ENTPD1: variants seen among roughly 807,000 people sequenced by gnomAD.
The protein encoded by ENTPD1 is ectonucleoside triphosphate diphosphohydrolase 1.
ENTPD1 carries 33 observed loss-of-function variants against 57.0 expected under a neutral mutation model. The ratio of observed to expected loss-of-function variants is 0.58; its 90% CI spans 0.44 to 0.77. ENTPD1 has a LOEUF of 0.77. Ranked by LOEUF, ENTPD1 falls within the 30% of genes least tolerant of loss-of-function variation. The pLI is 0.00. For missense variants in ENTPD1, 501 were observed against 603.4 expected (o/e 0.83, Z 1.78); for synonymous variants, 202 against 218.8 (o/e 0.92, Z 0.68).
In ENTPD1 at chr10:95,868,790, A is replaced by G. The variant is rs2098477143; in HGVS notation, c.*2407A>G. 1.0e-6 allele frequency: 1 copy of G among 985,426 alleles called. No individual in the cohort carries two copies. Among genetic ancestry groups the G allele is most frequent in the Non-Finnish European group, 1.2e-6 (1 of 829,926 alleles). 61.0% of individuals were successfully genotyped at this position (985,426 alleles called of 1,614,324 possible). On this transcript the variant is annotated 3_prime_UTR_variant, in exon 10 of 10. Coordinates refer to ENST00000371205, the MANE Select transcript of ENTPD1 (RefSeq NM_001776.6). ...ATTAGACTTCACAAGTCTCCTTCAG[A>G]GAACACAAATCTTTTCTTATTCCAT...
chr10:95,751,131 G>A (rs941449002), upstream of ENTPD1, among the ~76,000 whole-genome samples: 2 of 152,140 alleles, frequency 1.3e-5, no homozygotes, highest in Non-Finnish European at 2.9e-5. Flanking sequence ...GTTTAGAGAG[G>A]TAGAGAGAGT....
chr10:95,834,966 G>C (rs2098406103), intron 2 of ENTPD1, among the ~76,000 whole-genome samples: 1 of 152,082 alleles, frequency 6.6e-6, no homozygotes, highest in Non-Finnish European at 1.5e-5. Flanking sequence ...TTAGACTCAT[G>C]GGGCACATGT....
At chr10:95,755,665 G>C, upstream of ENTPD1, 1 of 1,536,472 alleles carries the variant, frequency 6.5e-7, no homozygotes, top group South Asian at 1.2e-5. Context: ...GTTGCTCTTT[G>C]CTCTAATGAG....
chr10:95,710,389 A>G (rs2097964533), upstream of ENTPD1, among the ~76,000 whole-genome samples: 2 of 152,166 alleles, frequency 1.3e-5, no homozygotes. Context: ...TGGGCAACAG[A>G]GCCAGACTGT....
rs1292778837 is a variant in ENTPD1 at position 95,872,799 on chromosome 10, T to G, written c.*6416T>G. ...CTGCTTCACTCTATTTATCTCTTGA[T>G]GTAACCATCTTCTTTCTCCAGGTTT... On this transcript the variant is annotated 3_prime_UTR_variant, in exon 10 of 10. Transcript: ENST00000371205. 3.0e-6 allele frequency: 3 copies of G among 985,364 alleles called. No homozygotes were observed. The African/African-American group carries it at 5.2e-5, about 17-fold the overall frequency. The allele number at this position is 985,364 out of a possible 1,614,324, so 61.0% of individuals were successfully genotyped here.
Position 95,869,189 on chromosome 10 carries a change from G to A in ENTPD1, c.*2806G>A, listed in dbSNP as rs2098477581. The A allele has an allele frequency of 1.0e-6, 1 of 977,264 alleles. No homozygotes were observed. Among genetic ancestry groups the A allele is most frequent in the Non-Finnish European group, 1.2e-6 (1 of 827,550 alleles). The allele number at this position is 977,264 out of a possible 1,614,324, so 60.5% of individuals were successfully genotyped here. On this transcript the variant is annotated 3_prime_UTR_variant, in exon 10 of 10. Coordinates refer to ENST00000371205, the MANE Select transcript of ENTPD1 (RefSeq NM_001776.6). ...TTAAAGATTCCTTTATAAGGTGGGA[G>A]TTTTTTTTCTATGAACCTATAGGGG...
At chr10:95,803,425 T>C (rs1405029539) in intron 1 of ENTPD1, among the ~76,000 whole-genome samples, 1 of 152,246 alleles carries the variant, frequency 6.6e-6, no homozygotes, top group African/African-American at 2.4e-5. Flanking sequence ...TGATATCTCA[T>C]TGTGGTTTTG....
At chr10:95,806,512 T>G (rs1245446547) in intron 1 of ENTPD1, among the ~76,000 whole-genome samples, 1 of 152,208 alleles carries the variant, frequency 6.6e-6, no homozygotes, top group Admixed American at 6.5e-5. Context: ...TCATTCTCCA[T>G]CCAGCTTTGT....
intron 2 of ENTPD1, among the ~76,000 whole-genome samples, chr10:95,827,590 A>G (rs954599401): frequency 2.6e-5 from 4 of 151,970 alleles, no homozygotes; most frequent in Non-Finnish European, 4.4e-5. Context: ...GGTTCAAGCA[A>G]TTCTCCTGCC....
intron 3 of ENTPD1, among the ~76,000 whole-genome samples, chr10:95,840,777 C>T (rs1049558431): frequency 2.0e-5 from 3 of 152,176 alleles, no homozygotes; most frequent in Non-Finnish European, 4.4e-5. Context: ...CACCATTATA[C>T]CACAGTCTCT....
At chr10:95,715,101 T>C (rs1163247699) in intron 1 of ENTPD1, among the ~76,000 whole-genome samples, 2 of 152,230 alleles carry the variant, frequency 1.3e-5, no homozygotes, top group Non-Finnish European at 2.9e-5. Context: ...TATGCCTTTT[T>C]GATTTCTCCT....
chr10:95,749,602 T>C (rs554692484), intron 1 of ENTPD1, among the ~76,000 whole-genome samples: 68 of 152,316 alleles, frequency 4.5e-4, no homozygotes, highest in African/African-American at 1.5e-3. Flanking sequence ...TAGAAGGTAA[T>C]GATTTAGTAA....
chr10:95,717,298 C>G (rs1233408022), intron 1 of ENTPD1, among the ~76,000 whole-genome samples: 1 of 147,634 alleles, frequency 6.8e-6, no homozygotes, highest in Non-Finnish European at 1.5e-5. Flanking sequence ...TTGTGTTTAT[C>G]TTACACACAT....
At chr10:95,743,816 G>A (rs2098002923) in intron 1 of ENTPD1, among the ~76,000 whole-genome samples, 1 of 149,954 alleles carries the variant, frequency 6.7e-6, no homozygotes, top group Non-Finnish European at 1.5e-5. Flanking sequence ...GGATTGTCTT[G>A]TAATATTTCC....
intron 1 of ENTPD1, among the ~76,000 whole-genome samples, chr10:95,763,402 A>AT (rs1230555535): frequency 4.0e-5 from 6 of 151,894 alleles, no homozygotes; most frequent in African/African-American, 1.2e-4. Context: ...TTAATTTTTC[A>AT]TTTTTTCCAT....
chr10:95,774,983 T>C (rs1468856845), intron 1 of ENTPD1, among the ~76,000 whole-genome samples: 1 of 152,202 alleles, frequency 6.6e-6, no homozygotes. Context: ...TTCTTCCATT[T>C]GTTTGTGTCC....
Position 95,806,923 on chromosome 10 carries a change from G to A in ENTPD1, c.17-16314G>A, listed in dbSNP as rs918541479. Among the ~76,000 whole-genome samples, 76 of 152,138 alleles carry A rather than the reference G, an allele frequency of 5.0e-4. 1 individual carries two copies. The highest frequency in any genetic ancestry group is 1.5e-4 in the Non-Finnish European group (10 of 68,026). Reference sequence around the variant, plus strand: ...ACCCGCCTATATGAGGTGTCTGCTGGCCCCTACTGGGAGGTGTCTCCCAGT... The same window carrying A: ...ACCCGCCTATATGAGGTGTCTGCTGACCCCTACTGGGAGGTGTCTCCCAGT... On this transcript the variant is annotated intron_variant, in intron 1 of 9. Transcript: ENST00000371205.
chr10:95,869,241 C>CTTTTTTTTTTTTTTT lies in ENTPD1; in HGVS notation c.*2870_*2884dup, dbSNP rs11312564. The CTTTTTTTTTTTTTTT allele has an allele frequency of 9.5e-6, 6 of 629,798 alleles. 3 individuals carry two copies. Among genetic ancestry groups the CTTTTTTTTTTTTTTT allele is most frequent in the Non-Finnish European group, 7.4e-6 (4 of 542,294 alleles). 39.0% of individuals were successfully genotyped at this position (629,798 alleles called of 1,614,324 possible). A position where few individuals can be genotyped will look rare whatever the true frequency, so the allele number is the denominator to read the frequency against. On this transcript the variant is annotated 3_prime_UTR_variant, in exon 10 of 10. Coordinates refer to ENST00000371205, the MANE Select transcript of ENTPD1 (RefSeq NM_001776.6). ...GAAAAAAGATCAGCAGAAGTCATTA[C>CTTTTTTTTTTTTTTT]TTTTTTTTTTTTTTTTTTTTTTTTT...
At chr10:95,762,209 CAA>C (rs59588135) in intron 1 of ENTPD1, among the ~76,000 whole-genome samples, 97 of 78,444 alleles carry the variant, frequency 1.2e-3, no homozygotes, top group South Asian at 7.3e-3. Flanking sequence ...TAAAAAGAAG[CAA>C]AAAAAAAAAA....
Sources: allele counts gnomAD v4.1 joint callset (sites outside exome capture counted in the v4.1 genomes callset), GRCh38; gene constraint gnomAD v4.1.1; transcripts MANE v1.5; gene names NCBI Gene and HGNC (gene_info 2026-07-23, HGNC 2026-07-21).